The following XXYLT1 variants were observed in gnomAD, a reference collection of about 807,000 sequenced individuals.
XXYLT1 encodes xyloside xylosyltransferase 1.
XXYLT1 carries 20 observed loss-of-function variants against 28.9 expected under a neutral mutation model. That is an observed-to-expected ratio of 0.69 (90% confidence interval 0.49 to 1.00). The LOEUF (loss-of-function observed/expected upper bound fraction) is 1.00, where lower values mean the gene tolerates loss of function less well. Ranked by LOEUF, XXYLT1 falls within the 50% of genes least tolerant of loss-of-function variation. The pLI, the probability that XXYLT1 is intolerant of heterozygous loss-of-function variation, is 0.00. For synonymous variants in XXYLT1, 257 were observed against 253.8 expected (o/e 1.01, Z -0.12); for missense variants, 542 against 560.1 (o/e 0.97, Z 0.33).
At chr3:195,079,714 C>T (rs9876929) in intron 3 of XXYLT1, among the ~76,000 whole-genome samples, 7,158 of 151,926 alleles carry the variant, frequency 0.047, 372 homozygotes, top group African/African-American at 0.13. Flanking sequence ...GGGACAGAAG[C>T]GAGGACAGCA....
At chr3:195,139,182 T>C (rs1663492633) in intron 3 of XXYLT1, among the ~76,000 whole-genome samples, 1 of 152,114 alleles carries the variant, frequency 6.6e-6, no homozygotes, top group East Asian at 1.9e-4. Flanking sequence ...ATCAGTTAGT[T>C]TGGGGACATG....
In XXYLT1 at chr3:195,078,312, G is replaced by A. The variant is rs1447786694; in HGVS notation, c.786-8201C>T. Among the ~76,000 whole-genome samples the A allele has an allele frequency of 1.3e-5, 2 of 152,062 alleles. No individual in the cohort carries two copies. Among genetic ancestry groups the A allele is most frequent in the Non-Finnish European group, 2.9e-5 (2 of 68,000 alleles). On this transcript the variant is annotated intron_variant, in intron 3 of 3. Transcript: ENST00000310380. The surrounding 1 kb of genome is among the most constrained non-coding windows in gnomAD (Gnocchi z 5.0). ...AGAAGAGGAGCCAGGAAGATGCAGG[G>A]CGTTGGAGGACCCCGGCCACCTGTC...
chr3:195,151,203 A>G (rs1164773527), intron 3 of XXYLT1, among the ~76,000 whole-genome samples: 1 of 152,168 alleles, frequency 6.6e-6, no homozygotes, highest in African/African-American at 2.4e-5. Flanking sequence ...AATCGTGGGT[A>G]GAGGTGGGCA....
intron 2 of XXYLT1, among the ~76,000 whole-genome samples, chr3:195,191,941 T>C (rs1170016026): frequency 6.6e-6 from 1 of 152,194 alleles, no homozygotes; most frequent in Non-Finnish European, 1.5e-5. Flanking sequence ...CTCTTGATAA[T>C]TGATGGAACA....
chr3:195,159,517 C>T (rs1363635851), intron 2 of XXYLT1, among the ~76,000 whole-genome samples: 3 of 152,190 alleles, frequency 2.0e-5, no homozygotes, highest in East Asian at 3.9e-4. Flanking sequence ...GTGCTCAGGA[C>T]TAACCAGGCA....
chr3:195,181,723 G>A (rs1302946585), intron 2 of XXYLT1, among the ~76,000 whole-genome samples: 6 of 152,244 alleles, frequency 3.9e-5, no homozygotes, highest in East Asian at 1.9e-4. Context: ...GGTGGTATCT[G>A]GCAGTGCTGG....
At chr3:195,166,594 C>T (rs1351094205) in intron 2 of XXYLT1, among the ~76,000 whole-genome samples, 6 of 152,162 alleles carry the variant, frequency 3.9e-5, no homozygotes, top group African/African-American at 1.4e-4. Context: ...ATGTAGTTGT[C>T]CCACGTGTTC....
intron 2 of XXYLT1, among the ~76,000 whole-genome samples, chr3:195,213,336 C>T (rs1221656628): frequency 6.6e-6 from 1 of 150,388 alleles, no homozygotes; most frequent in East Asian, 2.0e-4. Flanking sequence ...ACAATCTTGG[C>T]TCACCGCAAC....
chr3:195,213,263 CTT>C (rs924778735), intron 2 of XXYLT1, among the ~76,000 whole-genome samples: 13 of 129,024 alleles, frequency 1.0e-4, no homozygotes, highest in African/African-American at 1.6e-4. Flanking sequence ...TTCTTTCTTT[CTT>C]TTTTTTTTTT....
intron 3 of XXYLT1, among the ~76,000 whole-genome samples, chr3:195,108,080 G>T (rs1170400476): frequency 1.3e-5 from 2 of 152,212 alleles, no homozygotes; most frequent in Non-Finnish European, 2.9e-5. Flanking sequence ...CTCCCCATAG[G>T]GGGGTCTGGC....
At chr3:195,107,681 C>T (rs184431427) in intron 3 of XXYLT1, among the ~76,000 whole-genome samples, 1 of 85,480 alleles carries the variant, frequency 1.2e-5, no homozygotes, top group East Asian at 3.1e-4. Flanking sequence ...GGAGGAGAGC[C>T]ACAAGTGCCA....
chr3:195,161,480 A>G (rs1387638390), intron 2 of XXYLT1, among the ~76,000 whole-genome samples: 2 of 151,618 alleles, frequency 1.3e-5, no homozygotes, highest in Non-Finnish European at 2.9e-5. Flanking sequence ...AACCATGACC[A>G]CCTCCCACAA....
In XXYLT1 at chr3:195,124,164, G is replaced by T. The variant is rs977312420; in HGVS notation, c.785+32285C>A. On this transcript the variant is annotated intron_variant, in intron 3 of 3. Transcript: ENST00000310380. The surrounding 1 kb of genome is among the most constrained non-coding windows in gnomAD (Gnocchi z 4.1). The stretch of plus-strand genomic sequence containing the variant: ...TGTTCCATGGAACTCACCTCGAGAA[G>T]TGTGGGTCTAGACCACAGCCCTCAT... 1.3e-5 allele frequency among the ~76,000 whole-genome samples: 2 copies of T among 152,238 alleles called. No individual in the cohort carries two copies. Among genetic ancestry groups the T allele is most frequent in the African/African-American group, 4.8e-5 (2 of 41,472 alleles).
chr3:195,201,943 C>A (rs1577139925), intron 2 of XXYLT1, among the ~76,000 whole-genome samples: 1 of 152,152 alleles, frequency 6.6e-6, no homozygotes, highest in Non-Finnish European at 1.5e-5. Flanking sequence ...CTTTGGGAGG[C>A]CAAGGTGGGC....
chr3:195,226,596 C>T, intron 2 of XXYLT1, 113 bp downstream of exon 2: 1 of 1,375,090 alleles, frequency 7.3e-7, no homozygotes, highest in African/African-American at 1.5e-5. Flanking sequence ...TCCACTCTTT[C>T]ATGTTCAGTG....
At chr3:195,258,419 C>A (rs1172672343) in intron 1 of XXYLT1, among the ~76,000 whole-genome samples, 1 of 152,172 alleles carries the variant, frequency 6.6e-6, no homozygotes, top group Non-Finnish European at 1.5e-5. Flanking sequence ...GAAAACAAAT[C>A]AAAAACCAGT....
intron 2 of XXYLT1, among the ~76,000 whole-genome samples, chr3:195,179,037 G>C (rs979116401): frequency 5.3e-5 from 8 of 152,184 alleles, no homozygotes; most frequent in African/African-American, 1.7e-4. Context: ...AGGCCATGGA[G>C]GAGATTCAAG....
At chr3:195,251,412 G>A (rs1033283767) in intron 1 of XXYLT1, among the ~76,000 whole-genome samples, 3 of 152,236 alleles carry the variant, frequency 2.0e-5, no homozygotes, top group African/African-American at 7.2e-5. Context: ...ATAGGAGCCA[G>A]CCCAGAAGCC....
intron 1 of XXYLT1, among the ~76,000 whole-genome samples, chr3:195,268,390 T>G (rs1012304438): frequency 8.7e-5 from 13 of 150,156 alleles, no homozygotes; most frequent in Non-Finnish European, 1.2e-4. Flanking sequence ...GAGATCACAC[T>G]GTTGCACTCC....
Sources: allele counts gnomAD v4.1 joint callset (sites outside exome capture counted in the v4.1 genomes callset), GRCh38; gene constraint gnomAD v4.1.1; non-coding constraint Gnocchi (gnomAD v3.1); transcripts MANE v1.5; gene names NCBI Gene and HGNC (gene_info 2026-07-23, HGNC 2026-07-21).